ADGRV1: variants seen among roughly 807,000 people sequenced by gnomAD.
The protein encoded by ADGRV1 is G-protein coupled receptor 98.
A neutral mutation model predicts 596.2 loss-of-function variants in ADGRV1; 359 were observed. The ratio of observed to expected loss-of-function variants is 0.60; its 90% CI spans 0.55 to 0.66. ADGRV1 has a LOEUF of 0.66. ADGRV1 is among the 30% of genes least tolerant of loss of function. The pLI is 0.00. For synonymous variants in ADGRV1, 2,681 were observed against 2,679.2 expected (o/e 1.00, Z -0.02); for missense variants, 7,274 against 7,575.6 (o/e 0.96, Z 1.48).
intron 86 of ADGRV1, among the ~76,000 whole-genome samples, chr5:91,100,572 TA>T (rs767968887): frequency 2.0e-5 from 3 of 152,082 alleles, no homozygotes; most frequent in Non-Finnish European, 4.4e-5. Flanking sequence ...TAAGCAGGAA[TA>T]TATTAGTCTA....
intron 11 of ADGRV1, among the ~76,000 whole-genome samples, chr5:90,640,052 A>G (rs1416833547): frequency 6.6e-6 from 1 of 152,158 alleles, no homozygotes; most frequent in Non-Finnish European, 1.5e-5. Context: ...AAAATATTCT[A>G]TTTAGTTTTC....
At chr5:90,981,359 G>T (rs763353769) in intron 84 of ADGRV1, among the ~76,000 whole-genome samples, 5 of 152,202 alleles carry the variant, frequency 3.3e-5, no homozygotes, top group Non-Finnish European at 7.3e-5. Flanking sequence ...ACTTTGAATA[G>T]AATGGGAGGC....
chr5:90,829,660 T>C (rs983990021), intron 77 of ADGRV1, among the ~76,000 whole-genome samples: 15 of 152,236 alleles, frequency 9.9e-5, no homozygotes, highest in African/African-American at 3.6e-4. Context: ...TCCTCTTAGG[T>C]GACATCAGAT....
At chr5:90,662,479 C>T (rs1333886545) in intron 21 of ADGRV1, among the ~76,000 whole-genome samples, 4 of 152,104 alleles carry the variant, frequency 2.6e-5, no homozygotes, top group Non-Finnish European at 5.9e-5. Flanking sequence ...AGGTGTAAGC[C>T]ACCGTGCCCA....
intron 11 of ADGRV1, among the ~76,000 whole-genome samples, chr5:90,638,237 G>A (rs544512351): frequency 6.6e-6 from 1 of 151,140 alleles, no homozygotes; most frequent in African/African-American, 2.4e-5. Flanking sequence ...CTAATATGTT[G>A]TTATATTAAA....
Position 90,789,799 on chromosome 5 carries a change from TG to T in ADGRV1, c.13992del (p.Leu4665SerfsTer22). On this transcript the variant is annotated frameshift_variant, in exon 69 of 90. Coordinates refer to ENST00000405460, the MANE Select transcript of ADGRV1 (RefSeq NM_032119.4). LOFTEE classifies it high-confidence loss of function. The stretch of plus-strand genomic sequence containing the variant: ...GAGCCTCTGGCTCTGGAAGGGCCCC[TG>T]CTCATTACCTTCTTTGTCAGAAGAG... The part of the protein sequence containing the change: ...YSEPLALEGP[L>X]LITFFVRRVK... The T allele has an allele frequency of 6.6e-7, 1 of 1,515,782 alleles. No homozygotes were observed. Among genetic ancestry groups the T allele is most frequent in the Admixed American group, 2.1e-5 (1 of 46,804 alleles). The allele number at this position is 1,515,782 out of a possible 1,614,324, so 93.9% of individuals were successfully genotyped here. A position where few individuals can be genotyped will look rare whatever the true frequency, so the allele number is the denominator to read the frequency against.
At chr5:90,651,531 T>G in intron 17 of ADGRV1, 73 bp from the exon 18 acceptor site, 1 of 1,246,272 alleles carries the variant, frequency 8.0e-7, no homozygotes, top group Non-Finnish European at 1.1e-6. Flanking sequence ...TAAACTTTCT[T>G]AATTTAAAAG....
rs555315865 is a variant in ADGRV1 at position 90,632,851 on chromosome 5, A to G, written c.1840-2263A>G. Among the ~76,000 whole-genome samples the G allele has an allele frequency of 1.1e-4, 16 of 152,308 alleles. No individual in the cohort carries two copies. The South Asian group carries it at 3.3e-3, about 32-fold the overall frequency. On this transcript the variant is annotated intron_variant, in intron 9 of 89. Transcript: ENST00000405460. ...ACTTGCTTAGGGTGAACAAGGCATT[A>G]TTAGTCACTGACACAAGTCATTGAG...
At chr5:90,856,958 C>T (rs1767079990) in intron 82 of ADGRV1, among the ~76,000 whole-genome samples, 1 of 152,086 alleles carries the variant, frequency 6.6e-6, no homozygotes, top group Non-Finnish European at 1.5e-5. Flanking sequence ...TAGTCATTAT[C>T]TTTTAGGAAG....
In ADGRV1 at chr5:90,823,489, A is replaced by C; in HGVS notation, c.16261A>C (p.Lys5421Gln). The C allele has an allele frequency of 6.2e-7, 1 of 1,613,866 alleles. No individual in the cohort carries two copies. The highest frequency in any genetic ancestry group is 8.5e-7 in the Non-Finnish European group (1 of 1,179,812). The change falls in exon 76 of 90, where the codon AAG (lysine) becomes CAG (glutamine). Residue 5421 changes from lysine to glutamine, a missense_variant. Lys to Gln is a moderately conservative substitution (Grantham distance 53). Around this residue, in one of 5 missense-constraint regions of ADGRV1, gnomAD observed 1,874 missense variants for 1,970.2 expected, o/e 0.95. Transcript: ENST00000405460. ...TLNKTVVVLQKDGVNLVEELQ... is the reference protein window; with the variant it reads ...TLNKTVVVLQQDGVNLVEELQ... ...TAACAAAACAGTCGTCGTGCTCCAG[A>C]AGGATGGGGTAAACCTGGTGGAGGA...
At chr5:90,956,758 C>T (rs1005821093) in intron 83 of ADGRV1, among the ~76,000 whole-genome samples, 19 of 152,132 alleles carry the variant, frequency 1.2e-4, no homozygotes, top group African/African-American at 4.6e-4. Context: ...ATGCTAGCAT[C>T]GGTGATTTTA....
intron 82 of ADGRV1, among the ~76,000 whole-genome samples, chr5:90,860,461 C>T (rs1383259345): frequency 2.0e-5 from 3 of 151,898 alleles, no homozygotes; most frequent in Admixed American, 6.6e-5. Context: ...CCACCATGCC[C>T]GGCTAATATT....
At chr5:91,036,616 C>T (rs1240466577) in intron 85 of ADGRV1, among the ~76,000 whole-genome samples, 1 of 150,874 alleles carries the variant, frequency 6.6e-6, no homozygotes, top group Non-Finnish European at 1.5e-5. Flanking sequence ...GTCCTAGTTG[C>T]TAGAGAGGCT....
chr5:90,607,837 T>G (rs1009782714), intron 1 of ADGRV1, among the ~76,000 whole-genome samples: 3 of 152,160 alleles, frequency 2.0e-5, no homozygotes, highest in African/African-American at 7.2e-5. Flanking sequence ...CAGTTTAGTC[T>G]CATAATTTTA....
At chr5:90,863,966 A>G (rs987132316) in intron 83 of ADGRV1, 109 bp downstream of exon 83, 3 of 723,138 alleles carry the variant, frequency 4.1e-6, no homozygotes, top group Non-Finnish European at 7.1e-6. Flanking sequence ...TAGTTGAAAT[A>G]AACTTGTTTA....
chr5:91,054,373 G>A (rs954646243), intron 85 of ADGRV1, among the ~76,000 whole-genome samples: 2 of 152,112 alleles, frequency 1.3e-5, no homozygotes, highest in Admixed American at 6.5e-5. Context: ...GCATAAAAAA[G>A]ATCTAGTCCC....
rs760122290 is a variant in ADGRV1, at chr5:90,756,634, A to G, written c.11757+4A>G. 6.2e-7 allele frequency: 1 copy of G among 1,611,498 alleles called. No homozygotes were observed. The highest frequency in any genetic ancestry group is 8.5e-7 in the Non-Finnish European group (1 of 1,177,888). On this transcript the variant is annotated splice_donor_region_variant and intron_variant, in intron 56 of 89. Coordinates refer to ENST00000405460, the MANE Select transcript of ADGRV1 (RefSeq NM_032119.4). ...TTTTATGTTTCATGTTACTAGAGTGAGATGAACTTTCATTTGTTTACAGTC... is the reference window on the plus strand; with the variant it reads ...TTTTATGTTTCATGTTACTAGAGTGGGATGAACTTTCATTTGTTTACAGTC...
At chr5:91,003,024 T>G (rs574741328) in intron 85 of ADGRV1, among the ~76,000 whole-genome samples, 1 of 152,292 alleles carries the variant, frequency 6.6e-6, no homozygotes, top group South Asian at 2.1e-4. Context: ...CTTGTCTCTG[T>G]ACCTGTGTAA....
In ADGRV1 at chr5:90,771,224, T is replaced by G. The variant is rs1227367474; in HGVS notation, c.12286-2962T>G. Among the ~76,000 whole-genome samples the G allele has an allele frequency of 3.3e-5, 4 of 121,150 alleles. No homozygotes were observed. The East Asian group carries it at 1.1e-3, about 35-fold the overall frequency. 79.5% of individuals were successfully genotyped at this position (121,150 alleles called of 152,430 possible). On this transcript the variant is annotated intron_variant, in intron 59 of 89. Transcript: ENST00000405460. ...CTATATTTGTATTATTTTCCTCTCC[T>G]TTACTATCTTCGCAATCTTGGTTCT...
Sources: gnomAD v4.1 joint callset for allele counts (sites outside exome capture counted in the v4.1 genomes callset) on GRCh38, gnomAD v4.1.1 for gene constraint, gnomAD v4.1.1 regional missense constraint, MANE v1.5 for transcripts, NCBI Gene and HGNC (gene_info 2026-07-23, HGNC 2026-07-21) for gene names.